The following UBE2R2 variants were observed in gnomAD, a reference collection of about 807,000 sequenced individuals.
UBE2R2 encodes the protein ubiquitin-conjugating enzyme E2 R2.
A neutral mutation model predicts 27.8 loss-of-function variants in UBE2R2; 1 was observed. The ratio of observed to expected loss-of-function variants is 0.04; its 90% CI spans 0.01 to 0.17. UBE2R2 has a LOEUF of 0.17. UBE2R2 is among the 10% of genes least tolerant of loss of function. The pLI is 1.00. For synonymous variants in UBE2R2, 106 were observed against 113.3 expected (o/e 0.94, Z 0.41); for missense variants, 100 against 291.0 (o/e 0.34, Z 4.78).
At chr9:33,851,286 A>T (rs1587444226) in intron 1 of UBE2R2, among the ~76,000 whole-genome samples, 1 of 152,358 alleles carries the variant, frequency 6.6e-6, no homozygotes, top group East Asian at 1.9e-4. Flanking sequence ...AATATTTTAA[A>T]GTGTATTTCC....
At chr9:33,835,729 AC>A (rs1820601319) in intron 1 of UBE2R2, among the ~76,000 whole-genome samples, 1 of 151,570 alleles carries the variant, frequency 6.6e-6, no homozygotes. Context: ...AAAAAAAAAA[AC>A]AAAACAGCCA....
chr9:33,916,651 A>G (rs1283463729), intron 4 of UBE2R2, among the ~76,000 whole-genome samples: 5 of 152,196 alleles, frequency 3.3e-5, no homozygotes, highest in Non-Finnish European at 2.9e-5. Flanking sequence ...GCAAACAACA[A>G]AGCATGACAT....
chr9:33,836,770 T>A (rs188455122), intron 1 of UBE2R2, among the ~76,000 whole-genome samples: 4,552 of 148,124 alleles, frequency 0.031, 90 homozygotes, highest in Non-Finnish European at 0.045. Context: ...AAAAAAAAAA[T>A]ATATATATAT....
At chr9:33,885,870 G>GGGATACT (rs1821842291) in intron 1 of UBE2R2, among the ~76,000 whole-genome samples, 3 of 152,090 alleles carry the variant, frequency 2.0e-5, no homozygotes, top group Non-Finnish European at 4.4e-5. Flanking sequence ...ATAAAATACG[G>GGGATACT]GGATACTGCA....
chr9:33,860,687 G>A (rs1054976673), intron 1 of UBE2R2, among the ~76,000 whole-genome samples: 10 of 152,254 alleles, frequency 6.6e-5, no homozygotes, highest in South Asian at 2.1e-4. Context: ...GATCACTTGA[G>A]TATAGGAGTT....
At chr9:33,872,814 G>C (rs185363180) in intron 1 of UBE2R2, among the ~76,000 whole-genome samples, 1 of 151,868 alleles carries the variant, frequency 6.6e-6, no homozygotes, top group Admixed American at 6.6e-5. Flanking sequence ...TTTGGTGTGT[G>C]TATGAATTTG....
chr9:33,847,767 T>C (rs1160633449), intron 1 of UBE2R2, among the ~76,000 whole-genome samples: 1 of 150,732 alleles, frequency 6.6e-6, no homozygotes, highest in Non-Finnish European at 1.5e-5. Flanking sequence ...TTTTTTTTTT[T>C]TTGAGACGGA....
chr9:33,835,053 A>G (rs751684890), intron 1 of UBE2R2, among the ~76,000 whole-genome samples: 1 of 151,770 alleles, frequency 6.6e-6, no homozygotes, highest in Non-Finnish European at 1.5e-5. Flanking sequence ...TTGGGAACAT[A>G]TTACATAAAC....
intron 1 of UBE2R2, among the ~76,000 whole-genome samples, chr9:33,842,261 C>T (rs1438104085): frequency 2.0e-5 from 3 of 152,014 alleles, no homozygotes. Flanking sequence ...ATTAGCTGGG[C>T]ATGGTGGTGC....
chr9:33,909,729 C>T (rs1439290340), intron 3 of UBE2R2, among the ~76,000 whole-genome samples: 1 of 151,860 alleles, frequency 6.6e-6, no homozygotes, highest in Non-Finnish European at 1.5e-5. Flanking sequence ...TTCTTCGATT[C>T]TTTTTAATGT....
rs1822705286 is a variant in UBE2R2, at chr9:33,918,255, C to T, written c.*1018C>T. On this transcript the variant is annotated 3_prime_UTR_variant, in exon 5 of 5. Coordinates refer to ENST00000263228, the MANE Select transcript of UBE2R2 (RefSeq NM_017811.4). ...CGTTTTGTTTTTGTTTTTTAAGTAG[C>T]CACTTTTAATTACTCAGTATTAATC... The T allele has an allele frequency of 6.6e-6, 1 of 151,928 alleles. No homozygotes were observed. Among genetic ancestry groups the T allele is most frequent in the African/African-American group, 2.4e-5 (1 of 41,350 alleles). 9.4% of individuals were successfully genotyped at this position (151,928 alleles called of 1,614,324 possible). A position where few individuals can be genotyped will look rare whatever the true frequency, so the allele number is the denominator to read the frequency against.
intron 3 of UBE2R2, among the ~76,000 whole-genome samples, chr9:33,907,685 A>T (rs1245195342): frequency 1.3e-5 from 2 of 152,100 alleles, no homozygotes; most frequent in African/African-American, 4.8e-5. Flanking sequence ...TCTGGGGATG[A>T]TGGGCCCTCA....
At chr9:33,845,508 A>G (rs917026426) in intron 1 of UBE2R2, among the ~76,000 whole-genome samples, 4 of 151,424 alleles carry the variant, frequency 2.6e-5, no homozygotes, top group Non-Finnish European at 5.9e-5. Context: ...TCGGCCTCCC[A>G]AAGTGCTGGG....
At chr9:33,882,356 G>T (rs545936093) in intron 1 of UBE2R2, among the ~76,000 whole-genome samples, 1 of 152,104 alleles carries the variant, frequency 6.6e-6, no homozygotes, top group South Asian at 2.1e-4. Flanking sequence ...GTGCGATCTC[G>T]GCTCACTGCA....
chr9:33,817,955 G>T, intron 1 of UBE2R2, 21 bp downstream of exon 1: 1 of 1,598,606 alleles, frequency 6.3e-7, no homozygotes, highest in Admixed American at 1.7e-5. Context: ...CCTCCTCCCG[G>T]ACCCTGCTTC....
At chr9:33,818,814 C>T (rs1037592629) in intron 1 of UBE2R2, 4 of 152,130 alleles carry the variant, frequency 2.6e-5, no homozygotes, top group Admixed American at 6.5e-5. Flanking sequence ...AAGGGGTGGT[C>T]TCACAGATGA....
chr9:33,830,845 T>C (rs1820457841), intron 1 of UBE2R2: 1 of 151,944 alleles, frequency 6.6e-6, no homozygotes, highest in Non-Finnish European at 1.5e-5. Flanking sequence ...GAGGGATAAG[T>C]CCCATAAAAT....
chr9:33,837,306 C>G (rs1820635226), intron 1 of UBE2R2, among the ~76,000 whole-genome samples: 1 of 152,028 alleles, frequency 6.6e-6, no homozygotes, highest in South Asian at 2.1e-4. Context: ...GCAGCCTCAG[C>G]CTCCTGGGCT....
chr9:33,903,929 T>C (rs1822298261), intron 3 of UBE2R2, among the ~76,000 whole-genome samples: 2 of 152,238 alleles, frequency 1.3e-5, no homozygotes, highest in African/African-American at 4.8e-5. Flanking sequence ...GGAAATTGTT[T>C]ACCTTCTTAG....
Sources: allele counts gnomAD v4.1 joint callset (sites outside exome capture counted in the v4.1 genomes callset), GRCh38; gene constraint gnomAD v4.1.1; transcripts MANE v1.5; gene names NCBI Gene and HGNC (gene_info 2026-07-23, HGNC 2026-07-21).